Variants in DIDO1 observed in about 807,000 individuals in gnomAD.
DIDO1 encodes the protein death inducer-obliterator 1, also known as death-inducer obliterator 1.
Under a neutral mutation model 99.4 loss-of-function variants are expected in DIDO1, and 16 were observed. The ratio of observed to expected loss-of-function variants is 0.16; its 90% CI spans 0.11 to 0.24. The LOEUF (loss-of-function observed/expected upper bound fraction) is 0.24, where lower values mean the gene tolerates loss of function less well. Ranked by LOEUF, DIDO1 falls within the 10% of genes least tolerant of loss-of-function variation. DIDO1 has a pLI of 1.00. For synonymous variants in DIDO1, 1,366 were observed against 1,239.1 expected (o/e 1.10, Z -2.15); for missense variants, 2,996 against 3,014.0 (o/e 0.99, Z 0.14).
At chr20:62,932,546 A>T (rs1004170249) in intron 1 of DIDO1, among the ~76,000 whole-genome samples, 1 of 152,218 alleles carries the variant, frequency 6.6e-6, no homozygotes, top group Non-Finnish European at 1.5e-5. Flanking sequence ...AATAGTACAT[A>T]AACAATGCTT....
Position 62,877,798 on chromosome 20 carries a change from T to C in DIDO1, c.*1435A>G, listed in dbSNP as rs896330933. The C allele has an allele frequency of 1.3e-5, 2 of 152,344 alleles. No individual in the cohort carries two copies. Among genetic ancestry groups the C allele is most frequent in the African/African-American group, 4.8e-5 (2 of 41,584 alleles). The allele number at this position is 152,344 out of a possible 1,614,324, so 9.4% of individuals were successfully genotyped here. On this transcript the variant is annotated 3_prime_UTR_variant, in exon 16 of 16. Coordinates refer to ENST00000395343, the MANE Select transcript of DIDO1 (RefSeq NM_001193369.2). ...ACAAAACCTAGGTCGTTCCATGTTC[T>C]CATGTACAGTGATATAAGCCTCCGC...
chr20:62,891,232 C>T, intron 14 of DIDO1, 77 bp from the exon 15 acceptor site: 1 of 1,590,894 alleles, frequency 6.3e-7, no homozygotes, highest in Non-Finnish European at 8.6e-7. Context: ...ATCCTGCTTT[C>T]AACAGGAAAC....
chr20:62,905,308 A>C, intron 6 of DIDO1: 1 of 1,413,510 alleles, frequency 7.1e-7, no homozygotes, highest in Non-Finnish European at 9.2e-7. Flanking sequence ...GAATGTGTTC[A>C]TGTGGGTGTG....
At chr20:62,936,412 G>A (rs1486893471) in intron 1 of DIDO1, among the ~76,000 whole-genome samples, 6 of 152,086 alleles carry the variant, frequency 3.9e-5, no homozygotes, top group African/African-American at 1.2e-4. Context: ...ATAAGTAGCC[G>A]GGCGTGGTGG....
At chr20:62,908,265 G>A (rs1275274655) in intron 4 of DIDO1, among the ~76,000 whole-genome samples, 3 of 152,192 alleles carry the variant, frequency 2.0e-5, no homozygotes, top group Non-Finnish European at 4.4e-5. Flanking sequence ...ACAGGTGTGA[G>A]CCACAGCACC....
chr20:62,889,349 G>A, intron 15 of DIDO1: 1 of 971,790 alleles, frequency 1.0e-6, no homozygotes, highest in Non-Finnish European at 1.2e-6. Flanking sequence ...GCATGCGCCG[G>A]GGCTCGCTCA....
At chr20:62,913,177 A>G (rs2064978752) in intron 2 of DIDO1, among the ~76,000 whole-genome samples, 1 of 149,102 alleles carries the variant, frequency 6.7e-6, no homozygotes, top group Admixed American at 6.7e-5. Flanking sequence ...CACGCTCTGT[A>G]AACATGACCC....
intron 15 of DIDO1, among the ~76,000 whole-genome samples, chr20:62,886,135 G>A (rs2064294078): frequency 6.6e-6 from 1 of 152,206 alleles, no homozygotes; most frequent in South Asian, 2.1e-4. Context: ...CCTCCTGAGG[G>A]CTACTGAGGG....
rs1042839826 is a variant in DIDO1, at chr20:62,887,079, T to C, written c.3541+3881A>G. 50 of 980,712 alleles carry C rather than the reference T, an allele frequency of 5.1e-5. No individual in the cohort carries two copies. In the African/African-American group the frequency reaches 8.2e-4, roughly 16 times the overall value. 60.8% of individuals were successfully genotyped at this position (980,712 alleles called of 1,614,324 possible). A position where few individuals can be genotyped will look rare whatever the true frequency, so the allele number is the denominator to read the frequency against. ...CAGCACCAGCCTGCACTGCGTCCTC[T>C]CCAGCAGCTGCTGGGTGGGCTGCAG... On this transcript the variant is annotated intron_variant, in intron 15 of 15. Coordinates refer to ENST00000395343, the MANE Select transcript of DIDO1 (RefSeq NM_001193369.2).
In DIDO1 at chr20:62,911,438, G is replaced by A. The variant is rs1251400088; in HGVS notation, c.175C>T (p.Leu59=). ...TGCCTCCCACTGCGCCGCAGGGACA[G>A]GCCCAGCTGCTGCTGTGGGGGTGGC... ...EPPPPQQQLG[L]SLRRSGRQPK... is the part of the protein sequence containing the mutation. Residue 59 remains leucine (L), a synonymous_variant, in exon 3 of 16, where the codon CTG becomes TTG. Transcript: ENST00000395343. This position sits in a 1 kb window ranked among gnomAD's most constrained non-coding sequence, Gnocchi z 7.0. 7.4e-6 allele frequency: 12 copies of A among 1,612,038 alleles called. No homozygotes were observed. The African/African-American group carries it at 1.1e-4, about 14-fold the overall frequency.
intron 1 of DIDO1, among the ~76,000 whole-genome samples, chr20:62,932,415 G>C (rs1287306644): frequency 4.6e-5 from 7 of 152,336 alleles, no homozygotes; most frequent in Admixed American, 1.3e-4. Flanking sequence ...ACATGTATGT[G>C]TGTATATTTA....
intron 15 of DIDO1, chr20:62,890,012 G>A (rs2064365729): frequency 1.0e-6 from 1 of 985,460 alleles, no homozygotes. Context: ...GGCCCCTACA[G>A]GACCCCAGCT....
intron 6 of DIDO1, among the ~76,000 whole-genome samples, chr20:62,902,356 C>A (rs1004750229): frequency 6.6e-6 from 1 of 152,208 alleles, no homozygotes; most frequent in African/African-American, 2.4e-5. Flanking sequence ...AAGCTATATT[C>A]TTTCTCAGAA....
In DIDO1 at chr20:62,906,142, A is replaced by G. The variant is rs114132353; in HGVS notation, c.1375-42T>C. On this transcript the variant is annotated intron_variant, in intron 5 of 15. Coordinates refer to ENST00000395343, the MANE Select transcript of DIDO1 (RefSeq NM_001193369.2). Reference sequence around the variant, plus strand: ...ACCCCAAATCATTAAAAAGGTAAGAAATCATACCTTCACTTCATTTCACTG... The same window carrying G: ...ACCCCAAATCATTAAAAAGGTAAGAGATCATACCTTCACTTCATTTCACTG... 486 of 1,578,430 alleles carry G rather than the reference A, an allele frequency of 3.1e-4. 2 individuals are homozygous for G. The African/African-American group carries it at 5.6e-3, about 18-fold the overall frequency.
At chr20:62,924,162 T>G (rs1229272996) in intron 1 of DIDO1, among the ~76,000 whole-genome samples, 3 of 152,230 alleles carry the variant, frequency 2.0e-5, no homozygotes, top group Non-Finnish European at 4.4e-5. Flanking sequence ...CATTTGATAG[T>G]AGTCATAAAA....
intron 15 of DIDO1, chr20:62,887,850 C>T (rs1568834008): frequency 4.1e-6 from 4 of 985,382 alleles, no homozygotes; most frequent in Admixed American, 6.1e-5. Flanking sequence ...AGAAGGTCAC[C>T]TGGAACCAGG....
intron 15 of DIDO1, among the ~76,000 whole-genome samples, chr20:62,885,131 T>C (rs753229297): frequency 2.0e-5 from 3 of 152,192 alleles, no homozygotes; most frequent in Non-Finnish European, 4.4e-5. Context: ...CACCACGCCC[T>C]GGGGTGAAGG....
intron 1 of DIDO1, among the ~76,000 whole-genome samples, chr20:62,921,835 CTATATATATCCACTACATATACCCGCTA>C: frequency 6.7e-6 from 1 of 150,098 alleles, no homozygotes; most frequent in East Asian, 2.0e-4. Flanking sequence ...TATATATATA[CTATATATATCCACTACATATACCCGCTA>C]TATATATATC....
Position 62,880,507 on chromosome 20 carries a change from G to GC in DIDO1, c.5448dup (p.Pro1817AlafsTer27). The GC allele has an allele frequency of 6.2e-7, 1 of 1,612,960 alleles. No homozygotes were observed. Among genetic ancestry groups the GC allele is most frequent in the Non-Finnish European group, 8.5e-7 (1 of 1,179,966 alleles). ...CCTCTGCTGTCCCCATAAGGAGGTG[G>GC]CCCATGTTGCCCCGAGAATAAGGAA... On this transcript the variant is annotated frameshift_variant, in exon 16 of 16. Coordinates refer to ENST00000395343, the MANE Select transcript of DIDO1 (RefSeq NM_001193369.2). LOFTEE classifies it low-confidence loss of function (END_TRUNC).
Sources: gnomAD v4.1 joint callset for allele counts (sites outside exome capture counted in the v4.1 genomes callset) on GRCh38, gnomAD v4.1.1 for gene constraint, Gnocchi (gnomAD v3.1) non-coding constraint, MANE v1.5 for transcripts, NCBI Gene and HGNC (gene_info 2026-07-23, HGNC 2026-07-21) for gene names.